Variants in SLC12A9 observed in about 807,000 individuals in gnomAD.
The protein encoded by SLC12A9 is solute carrier family 12 member 9, also known as CCC-interacting protein 1.
A neutral mutation model predicts 66.0 loss-of-function variants in SLC12A9; 55 were observed. That is an observed-to-expected ratio of 0.83 (90% CI 0.67 to 1.04). The LOEUF is 1.04. Ranked by LOEUF, SLC12A9 falls within the 50% of genes least tolerant of loss-of-function variation. The pLI is 0.00. For synonymous variants in SLC12A9, 577 were observed against 569.0 expected (o/e 1.01, Z -0.20); for missense variants, 1,061 against 1,241.9 (o/e 0.85, Z 2.19).
In SLC12A9 at chr7:100,857,035, T is replaced by A; in HGVS notation, c.616T>A (p.Ser206Thr). 1.2e-6 allele frequency: 2 copies of A among 1,614,202 alleles called. No individual in the cohort carries two copies. The highest frequency in any genetic ancestry group is 1.7e-6 in the Non-Finnish European group (2 of 1,180,030). The change falls in exon 5 of 14, where the codon TCT (serine) becomes ACT (threonine). Residue 206 changes from serine (S) to threonine (T), a missense_variant. Ser to Thr is a moderately conservative substitution (Grantham distance 58). Coordinates refer to ENST00000354161, the MANE Select transcript of SLC12A9 (RefSeq NM_020246.4). ...TFLLVSGSLA[S>T]VLISFVAVGP... ...CCTGCTGGTCTCTGGCTCCCTGGCC[T>A]CTGTGCTCATCAGTTTTGTGGCTGT...
chr7:100,850,533 C>A (rs1201846348), upstream of SLC12A9, among the ~76,000 whole-genome samples: 1 of 151,884 alleles, frequency 6.6e-6, no homozygotes, highest in Non-Finnish European at 1.5e-5. Flanking sequence ...AGCTACTACA[C>A]CTTGCCACAG....
rs939897826 is a variant in SLC12A9 at position 100,847,449 on chromosome 7, A to G, written n.229-12436A>G. Among the ~76,000 whole-genome samples, 6 of 152,330 alleles carry G rather than the reference A, an allele frequency of 3.9e-5. No homozygotes were observed. In the South Asian group the frequency reaches 8.3e-4, roughly 21 times the overall value. On this transcript the variant is annotated intron_variant and non_coding_transcript_variant, in intron 1 of 1. Transcript: ENST00000461016. ...TGGAGAATTATGAAAGGTGGCACCCATCGGGAATGGATGTTTACCTAAACA... is the reference window on the plus strand; with the variant it reads ...TGGAGAATTATGAAAGGTGGCACCCGTCGGGAATGGATGTTTACCTAAACA...
chr7:100,849,081 C>G (rs547033972), upstream of SLC12A9, among the ~76,000 whole-genome samples: 7 of 151,556 alleles, frequency 4.6e-5, no homozygotes, highest in South Asian at 4.2e-4. Context: ...CGTGTACCAC[C>G]AGGCCCAGCT....
intron 1 of SLC12A9, among the ~76,000 whole-genome samples, chr7:100,838,965 C>T (rs1813723660): frequency 6.6e-6 from 1 of 151,972 alleles, no homozygotes; most frequent in East Asian, 1.9e-4. Flanking sequence ...AGTCACATAC[C>T]CCTGCTTGCT....
intron 1 of SLC12A9, among the ~76,000 whole-genome samples, chr7:100,846,744 C>T (rs1651261408): frequency 1.3e-5 from 2 of 152,134 alleles, no homozygotes; most frequent in Admixed American, 6.5e-5. Context: ...GACCGCCCCT[C>T]ATATTGTCTT....
At position 100,865,701 on chromosome 7, in the gene SLC12A9, T is replaced by TC; in HGVS notation, c.1859-14dup. ...GCCTGACTCCTGTCTGTTCCTGCCT[T>TC]CCCCGCTCTGCCCCCAGGTGGCATG... On this transcript the variant is annotated splice_polypyrimidine_tract_variant and intron_variant, in intron 13 of 13. Coordinates refer to ENST00000354161, the MANE Select transcript of SLC12A9 (RefSeq NM_020246.4). 2 of 1,592,098 alleles carry TC rather than the reference T, an allele frequency of 1.3e-6. No individual in the cohort carries two copies. The highest frequency in any genetic ancestry group is 1.7e-6 in the Non-Finnish European group (2 of 1,168,224).
chr7:100,833,778 C>A (rs1350596728), intron 1 of SLC12A9, among the ~76,000 whole-genome samples: 1 of 151,322 alleles, frequency 6.6e-6, no homozygotes, highest in Non-Finnish European at 1.5e-5. Flanking sequence ...ACTAAAAATA[C>A]AAAAATTAGC....
At chr7:100,862,877 A>G in intron 13 of SLC12A9, 50 bp downstream of exon 13, 1 of 1,607,110 alleles carries the variant, frequency 6.2e-7, no homozygotes, top group Non-Finnish European at 8.5e-7. Context: ...TGGCCACTTC[A>G]AATCTCCGCT....
At chr7:100,862,904 T>G in intron 13 of SLC12A9, 77 bp downstream of exon 13, 1 of 1,572,516 alleles carries the variant, frequency 6.4e-7, no homozygotes. Flanking sequence ...CCCTAGAGAG[T>G]CAGCCACAGA....
chr7:100,863,451 C>T (rs1467259102), intron 13 of SLC12A9, among the ~76,000 whole-genome samples: 1 of 152,128 alleles, frequency 6.6e-6, no homozygotes, highest in Non-Finnish European at 1.5e-5. Flanking sequence ...TTATTTGAAT[C>T]TCCAGCTGCC....
chr7:100,848,527 TAATA>T (rs1554425432), upstream of SLC12A9, among the ~76,000 whole-genome samples: 8 of 126,388 alleles, frequency 6.3e-5, no homozygotes, highest in African/African-American at 2.1e-4. Context: ...AATAAATAAA[TAATA>T]AATAAATACA....
Position 100,856,538 on chromosome 7 carries a change from A to G in SLC12A9, c.449-330A>G, listed in dbSNP as rs560537863. On this transcript the variant is annotated intron_variant, in intron 4 of 13. Transcript: ENST00000354161. ...TTCTTTTTTTTTTTTTTCTTGAGAG[A>G]AGGTCTCACTCTGTCACCAAGGCTG... The G allele has an allele frequency of 1.0e-3, 211 of 210,470 alleles. 3 individuals carry two copies. The highest frequency in any genetic ancestry group is 3.5e-3 in the South Asian group (22 of 6,308). 13.0% of individuals were successfully genotyped at this position (210,470 alleles called of 1,614,324 possible).
intron 1 of SLC12A9, among the ~76,000 whole-genome samples, chr7:100,840,856 C>T (rs947919884): frequency 6.6e-6 from 1 of 151,974 alleles, no homozygotes; most frequent in African/African-American, 2.4e-5. Context: ...TGTAACACTC[C>T]AATACCACTT....
intron 3 of SLC12A9, chr7:100,855,470 AAGG>A (rs1814331216): frequency 6.2e-6 from 3 of 484,294 alleles, no homozygotes; most frequent in Non-Finnish European, 3.7e-6. Flanking sequence ...TGGTATAGTG[AAGG>A]AGATCAACAT....
At chr7:100,834,785 A>G (rs1193867742) in intron 1 of SLC12A9, among the ~76,000 whole-genome samples, 2 of 152,148 alleles carry the variant, frequency 1.3e-5, no homozygotes, top group Admixed American at 1.3e-4. Flanking sequence ...AGGTGAGAGG[A>G]TCACCCGAGC....
chr7:100,855,995 T>G (rs1477563436), intron 4 of SLC12A9, 158 bp downstream of exon 4: 2 of 1,134,050 alleles, frequency 1.8e-6, no homozygotes, highest in Non-Finnish European at 1.2e-6. Context: ...GCAGGAGATA[T>G]GGACATCCCT....
Position 100,866,371 on chromosome 7 carries a change from C to A in SLC12A9, c.2511C>A (p.Ala837=). Reference sequence around the variant, plus strand: ...AGGCAGAGGCCCTGGCACGCAGCGCCAACGCCCTGGTTCGGGCCCAGCAGG... The same window carrying A: ...AGGCAGAGGCCCTGGCACGCAGCGCAAACGCCCTGGTTCGGGCCCAGCAGG... ...DAEAEALARS[A]NALVRAQQGR... The change falls in exon 14 of 14, where the codon GCC becomes GCA. Residue 837 remains alanine, a synonymous_variant. Coordinates refer to ENST00000354161, the MANE Select transcript of SLC12A9 (RefSeq NM_020246.4). This position sits in a 1 kb window ranked among gnomAD's most constrained non-coding sequence, Gnocchi z 7.3. 1 of 1,518,732 alleles carries A rather than the reference C, an allele frequency of 6.6e-7. No homozygotes were observed. Among genetic ancestry groups the A allele is most frequent in the Admixed American group, 2.1e-5 (1 of 48,076 alleles). 94.1% of individuals were successfully genotyped at this position (1,518,732 alleles called of 1,614,324 possible).
intron 1 of SLC12A9, among the ~76,000 whole-genome samples, chr7:100,843,805 G>A (rs757464355): frequency 1.3e-5 from 2 of 152,204 alleles, no homozygotes; most frequent in Non-Finnish European, 2.9e-5. Flanking sequence ...AACCATTGAA[G>A]TTTGCAACAC....
chr7:100,827,439 G>T, intron 1 of SLC12A9: 1 of 150,902 alleles, frequency 6.6e-6, no homozygotes, highest in South Asian at 2.0e-4. Context: ...GTGGGAGCCC[G>T]AGCGGGGACG....
Sources: allele counts gnomAD v4.1 joint callset (sites outside exome capture counted in the v4.1 genomes callset), GRCh38; gene constraint gnomAD v4.1.1; non-coding constraint Gnocchi (gnomAD v3.1); transcripts MANE v1.5; gene names NCBI Gene and HGNC (gene_info 2026-07-23, HGNC 2026-07-21).